The following PARD3 variants were observed in gnomAD, a reference collection of about 807,000 sequenced individuals.
The protein encoded by PARD3 is par-3 family cell polarity regulator.
A neutral mutation model predicts 155.4 loss-of-function variants in PARD3; 75 were observed. The ratio of observed to expected loss-of-function variants is 0.48; its 90% confidence interval spans 0.40 to 0.58. The LOEUF is 0.58. PARD3 is among the 20% of genes least tolerant of loss of function. The probability of loss-of-function intolerance (pLI) is 0.00; values close to 1 mark genes in which losing one functional copy is unlikely to be tolerated. For synonymous variants in PARD3, 576 were observed against 610.5 expected, an observed-to-expected ratio of 0.94 and a Z score of 0.83; for missense variants, 1,642 against 1,721.7, an observed-to-expected ratio of 0.95 and a Z score of 0.82.
At chr10:34,396,775 C>T (rs948449904) in intron 7 of PARD3, among the ~76,000 whole-genome samples, 1 of 151,954 alleles carries the variant, frequency 6.6e-6, no homozygotes, top group Non-Finnish European at 1.5e-5. Context: ...GATATATGTG[C>T]AATTTCTTAA....
chr10:34,458,046 C>T (rs1265621595), intron 4 of PARD3, among the ~76,000 whole-genome samples: 1 of 152,066 alleles, frequency 6.6e-6, no homozygotes, highest in Non-Finnish European at 1.5e-5. Context: ...TTCTTGAATT[C>T]AAAATGATGA....
intron 18 of PARD3, among the ~76,000 whole-genome samples, chr10:34,332,072 A>G (rs1453323605): frequency 6.6e-6 from 1 of 152,206 alleles, no homozygotes; most frequent in African/African-American, 2.4e-5. Flanking sequence ...CCTGGGAACA[A>G]TATGTTTGAA....
At chr10:34,481,759 G>A (rs533095303) in intron 3 of PARD3, among the ~76,000 whole-genome samples, 2 of 152,054 alleles carry the variant, frequency 1.3e-5, no homozygotes, top group East Asian at 1.9e-4. Flanking sequence ...ATAAATATGG[G>A]GCCAAGATGT....
At position 34,394,833 on chromosome 10, in the gene PARD3, A is replaced by G. The variant is rs569481373; in HGVS notation, c.890+4497T>C. ...TAGTAACACCATATCTAATATGGATAGTCATGGGTTCATTTGCTCCTGTGC... is the reference window on the plus strand; with the variant it reads ...TAGTAACACCATATCTAATATGGATGGTCATGGGTTCATTTGCTCCTGTGC... On this transcript the variant is annotated intron_variant, in intron 7 of 24. Coordinates refer to ENST00000374788, the MANE Select transcript of PARD3 (RefSeq NM_001184785.2). Among the ~76,000 whole-genome samples, 6 of 152,222 alleles carry G rather than the reference A, an allele frequency of 3.9e-5. No homozygotes were observed. The South Asian group carries it at 1.2e-3, about 32-fold the overall frequency.
Position 34,337,275 on chromosome 10 carries a change from T to C in PARD3, c.2560A>G (p.Ile854Val). The change falls in exon 17 of 25, where the codon ATA becomes GTA. Residue 854 changes from isoleucine (I) to valine (V), a missense_variant and splice_region_variant. By Grantham distance (29) the Ile-to-Val change is conservative (BLOSUM62 3). Around this residue, in one of 3 missense-constraint regions of PARD3, gnomAD observed 1,529 missense variants for 1,587.3 expected, o/e 0.96. Coordinates refer to ENST00000374788, the MANE Select transcript of PARD3 (RefSeq NM_001184785.2). ...AAAGATTCATGGAGATTGTACTCAC[T>C]ACCTAAATCCATGCTTTTTGATTTT... ...TRKSKSMDLGIADETKLNTVD... is the reference protein window; with the variant it reads ...TRKSKSMDLGVADETKLNTVD... The C allele has an allele frequency of 1.9e-6, 3 of 1,572,128 alleles. No homozygotes were observed. The highest frequency in any genetic ancestry group is 3.8e-5 in the Admixed American group (2 of 53,286).
intron 21 of PARD3, among the ~76,000 whole-genome samples, chr10:34,278,387 G>GA (rs1279961358): frequency 1.3e-5 from 2 of 151,946 alleles, no homozygotes; most frequent in African/African-American, 2.4e-5. Flanking sequence ...CCCTGAGAGG[G>GA]AAAAAACATT....
At chr10:34,398,906 GAACTA>G (rs969630614) in intron 7 of PARD3, among the ~76,000 whole-genome samples, 52 of 152,174 alleles carry the variant, frequency 3.4e-4, no homozygotes, top group African/African-American at 8.7e-4. Flanking sequence ...TAAAATTGAA[GAACTA>G]AACACAAATT....
intron 5 of PARD3, among the ~76,000 whole-genome samples, chr10:34,410,796 C>G (rs970222382): frequency 1.3e-5 from 2 of 152,156 alleles, no homozygotes; most frequent in Non-Finnish European, 2.9e-5. Context: ...CTGTGGGAGA[C>G]AGAGACAGTG....
intron 2 of PARD3, among the ~76,000 whole-genome samples, chr10:34,647,709 T>C (rs2092886858): frequency 6.6e-6 from 1 of 152,250 alleles, no homozygotes; most frequent in Non-Finnish European, 1.5e-5. Flanking sequence ...TTAGCTAAAA[T>C]GCAAGCAAAC....
At chr10:34,706,696 G>C (rs1260112135) in intron 1 of PARD3, among the ~76,000 whole-genome samples, 1 of 152,184 alleles carries the variant, frequency 6.6e-6, no homozygotes, top group Non-Finnish European at 1.5e-5. Context: ...GGAAGGTTGA[G>C]GCTGCTGTGA....
intron 1 of PARD3, among the ~76,000 whole-genome samples, chr10:34,699,594 A>G: frequency 6.6e-6 from 1 of 152,246 alleles, no homozygotes; most frequent in East Asian, 1.9e-4. Flanking sequence ...AGTAGTTTGC[A>G]TTAAAAAGTT....
rs147832013 is a variant in PARD3, at chr10:34,111,509, T to C, written c.3722A>G (p.Tyr1241Cys). The stretch of plus-strand genomic sequence containing the variant: ...ACTCTGGAAGCCTTCCCCAGGGGAG[T>C]AGTTCTGCTCCCAAGAGTCCTGGGA... ...SVSQDSWEQNYSPGEGFQSAK... is the reference protein window; with the variant it reads ...SVSQDSWEQNCSPGEGFQSAK... Residue 1241 changes from tyrosine to cysteine, a missense_variant, in exon 25 of 25, where the codon TAC becomes TGC. Tyr to Cys is a radical substitution (Grantham distance 194, BLOSUM62 -2). Transcript: ENST00000374788. The C allele has an allele frequency of 1.7e-5, 27 of 1,613,436 alleles. No homozygotes were observed. In the African/African-American group the frequency reaches 2.4e-4, roughly 14 times the overall value.
At chr10:34,315,292 C>G (rs969615516) in intron 20 of PARD3, among the ~76,000 whole-genome samples, 1 of 152,152 alleles carries the variant, frequency 6.6e-6, no homozygotes, top group Admixed American at 6.5e-5. Flanking sequence ...TCCTCTGGCC[C>G]CAGATAGAAA....
intron 22 of PARD3, among the ~76,000 whole-genome samples, chr10:34,227,855 TTTA>T (rs1160391433): frequency 1.2e-4 from 10 of 83,770 alleles, no homozygotes; most frequent in Non-Finnish European, 2.1e-4. Context: ...GGAATTATTT[TTTA>T]TATATATATA....
chr10:34,762,236 A>G (rs1389607142), intron 1 of PARD3, among the ~76,000 whole-genome samples: 1 of 151,214 alleles, frequency 6.6e-6, no homozygotes, highest in Non-Finnish European at 1.5e-5. Context: ...GTGTGTGAGA[A>G]AGAGAGAGGC....
intron 22 of PARD3, among the ~76,000 whole-genome samples, chr10:34,256,638 A>AT (rs1486115368): frequency 1.3e-5 from 2 of 152,158 alleles, no homozygotes; most frequent in African/African-American, 4.8e-5. Flanking sequence ...AGGAACAAAT[A>AT]TTTTCAAATC....
At chr10:34,425,895 A>G (rs915427245) in intron 5 of PARD3, among the ~76,000 whole-genome samples, 2 of 152,198 alleles carry the variant, frequency 1.3e-5, no homozygotes, top group East Asian at 3.8e-4. Context: ...AAAGTCACTG[A>G]AACGTTCACA....
chr10:34,228,464 A>G (rs1430239442), intron 22 of PARD3, among the ~76,000 whole-genome samples: 1 of 152,124 alleles, frequency 6.6e-6, no homozygotes, highest in Non-Finnish European at 1.5e-5. Context: ...TAACGGTTCC[A>G]TTTATATGAA....
chr10:34,410,284 T>G (rs1844915523), intron 5 of PARD3, among the ~76,000 whole-genome samples: 1 of 152,100 alleles, frequency 6.6e-6, no homozygotes, highest in Non-Finnish European at 1.5e-5. Flanking sequence ...CTCTTACCTT[T>G]GGTGTTTACT....
Sources: gnomAD v4.1 joint callset for allele counts (sites outside exome capture counted in the v4.1 genomes callset) on GRCh38, gnomAD v4.1.1 for gene constraint, gnomAD v4.1.1 regional missense constraint, MANE v1.5 for transcripts, NCBI Gene and HGNC (gene_info 2026-07-23, HGNC 2026-07-21) for gene names.